The following WDR48 variants were observed in gnomAD, a reference collection of about 807,000 sequenced individuals.
WDR48 encodes the protein WD repeat-containing protein 48.
A neutral mutation model predicts 94.0 loss-of-function variants in WDR48; 22 were observed. The ratio of observed to expected loss-of-function variants is 0.23; its 90% CI spans 0.17 to 0.33. WDR48 has a LOEUF of 0.33. WDR48 is among the 10% of genes least tolerant of loss of function. WDR48 has a pLI of 1.00. For synonymous variants in WDR48, 278 were observed against 280.5 expected, an observed-to-expected ratio of 0.99 and a Z score of 0.09; for missense variants, 541 against 813.8, an observed-to-expected ratio of 0.66 and a Z score of 4.08.
intron 2 of WDR48, among the ~76,000 whole-genome samples, chr3:39,063,515 A>G (rs1199264790): frequency 1.3e-5 from 2 of 152,220 alleles, no homozygotes; most frequent in African/African-American, 4.8e-5. Flanking sequence ...ATGTTCCCCA[A>G]CAACCTCTTG....
At chr3:39,088,618 TC>T (rs2034933450) in intron 15 of WDR48, among the ~76,000 whole-genome samples, 1 of 152,146 alleles carries the variant, frequency 6.6e-6, no homozygotes, top group Non-Finnish European at 1.5e-5. Context: ...CTTAGGCTGA[TC>T]CAGCCAAGAT....
rs950351559 is a variant in WDR48, at chr3:39,085,696, T to C, written c.1474+86T>C. 2.7e-6 allele frequency: 3 copies of C among 1,114,136 alleles called. No homozygotes were observed. In the African/African-American group the frequency reaches 4.7e-5, roughly 18 times the overall value. The allele number at this position is 1,114,136 out of a possible 1,614,324, so 69.0% of individuals were successfully genotyped here. ...TACTAAAAGGTACTTACTTAAACCG[T>C]TAGCTAAAATATTTGTGGTGTACTC... On this transcript the variant is annotated intron_variant, in intron 14 of 18. Coordinates refer to ENST00000302313, the MANE Select transcript of WDR48 (RefSeq NM_020839.4).
chr3:39,054,606 T>C (rs2032730551), intron 1 of WDR48, among the ~76,000 whole-genome samples: 2 of 152,220 alleles, frequency 1.3e-5, no homozygotes, highest in African/African-American at 2.4e-5. Context: ...AGCCCAGAAT[T>C]CCTTATCTAA....
chr3:39,082,783 C>G (rs916778112), intron 11 of WDR48, among the ~76,000 whole-genome samples: 1 of 152,108 alleles, frequency 6.6e-6, no homozygotes, highest in East Asian at 1.9e-4. Context: ...GTTTGGTGGG[C>G]AGACAGCTGT....
At chr3:39,052,223 G>T in intron 1 of WDR48, 150 bp downstream of exon 1, 2 of 889,588 alleles carry the variant, frequency 2.2e-6, no homozygotes, top group Non-Finnish European at 3.3e-6. Context: ...TGGGGCCGCG[G>T]CGCTAACGGC....
At chr3:39,064,698 A>G (rs768405973) in intron 2 of WDR48, among the ~76,000 whole-genome samples, 1 of 152,166 alleles carries the variant, frequency 6.6e-6, no homozygotes, top group Non-Finnish European at 1.5e-5. Context: ...GTATTTTTAA[A>G]AGTTTGTGTC....
intron 1 of WDR48, among the ~76,000 whole-genome samples, chr3:39,053,355 C>T (rs2125627006): frequency 6.6e-6 from 1 of 152,296 alleles, no homozygotes; most frequent in South Asian, 2.1e-4. Flanking sequence ...ATAAAGTCTT[C>T]TGATTAGTTC....
At chr3:39,093,763 T>C (rs2035206619) in intron 17 of WDR48, 111 bp from the exon 18 acceptor site, 2 of 1,225,980 alleles carry the variant, frequency 1.6e-6, no homozygotes, top group Non-Finnish European at 2.2e-6. Flanking sequence ...CTAAAAACAT[T>C]TATTGGTTTA....
At chr3:39,088,076 CTG>C (rs1246270617) in intron 14 of WDR48, 50 bp from the exon 15 acceptor site, 2 of 1,548,726 alleles carry the variant, frequency 1.3e-6, no homozygotes, top group East Asian at 2.2e-5. Context: ...TGTTTAGAAT[CTG>C]TATTTTTAGC....
In WDR48 at chr3:39,063,655, A is replaced by G. The variant is rs894658459; in HGVS notation, c.189+465A>G. Among the ~76,000 whole-genome samples the G allele has an allele frequency of 3.3e-5, 5 of 152,294 alleles. No homozygotes were observed. In the East Asian group the frequency reaches 9.6e-4, roughly 29 times the overall value. On this transcript the variant is annotated intron_variant, in intron 2 of 18. Coordinates refer to ENST00000302313, the MANE Select transcript of WDR48 (RefSeq NM_020839.4). The stretch of plus-strand genomic sequence containing the variant: ...CCACACGGCCTAACTAGGTAATACA[A>G]GGTTAGGCTGAGCATGGTGGCCCAC...
chr3:39,091,718 T>G lies in WDR48; in HGVS notation c.1745+17T>G. The G allele has an allele frequency of 6.3e-7, 1 of 1,575,924 alleles. No individual in the cohort carries two copies. The highest frequency in any genetic ancestry group is 8.6e-7 in the Non-Finnish European group (1 of 1,158,366). On this transcript the variant is annotated intron_variant, in intron 17 of 18. Transcript: ENST00000302313. ...CTTAAAAAAGTAAGTAAATATATGG[T>G]TTCTTGATCTAATTAACTACTAGAG...
At chr3:39,078,265 C>A in intron 10 of WDR48, 26 bp downstream of exon 10, 2 of 1,515,286 alleles carry the variant, frequency 1.3e-6, no homozygotes, top group South Asian at 2.4e-5. Flanking sequence ...GTACTGTACC[C>A]CTTATTGAAG....
intron 11 of WDR48, among the ~76,000 whole-genome samples, chr3:39,083,454 G>A (rs957819372): frequency 1.1e-4 from 17 of 152,208 alleles, no homozygotes; most frequent in African/African-American, 4.1e-4. Context: ...CAAGAGGTGA[G>A]GGGGACCGGA....
chr3:39,052,352 G>A lies in WDR48; in HGVS notation c.48+279G>A, dbSNP rs775612944. The A allele has an allele frequency of 3.2e-4, 140 of 440,308 alleles. 1 individual carries two copies. The Middle Eastern group carries it at 3.2e-3, about 10-fold the overall frequency. 27.3% of individuals were successfully genotyped at this position (440,308 alleles called of 1,614,324 possible). A position where few individuals can be genotyped will look rare whatever the true frequency, so the allele number is the denominator to read the frequency against. On this transcript the variant is annotated intron_variant, in intron 1 of 18. Coordinates refer to ENST00000302313, the MANE Select transcript of WDR48 (RefSeq NM_020839.4). ...CGCTCTTCTGTAGGAGTGGACTTGC[G>A]GGGTCGGGATAGGCTCGTTCCCCGC...
chr3:39,066,926 TAAAG>T, intron 5 of WDR48, 51 bp downstream of exon 5: 1 of 1,583,068 alleles, frequency 6.3e-7, no homozygotes, highest in South Asian at 1.1e-5. Flanking sequence ...TTAACATAAA[TAAAG>T]AATGGTTTAT....
chr3:39,081,056 G>A (rs1014229406), intron 11 of WDR48, among the ~76,000 whole-genome samples: 1 of 152,178 alleles, frequency 6.6e-6, no homozygotes, highest in Admixed American at 6.5e-5. Flanking sequence ...GAGGGCAGTA[G>A]TTGTTAGTGT....
chr3:39,095,720 T>TGTTTTTCCAA lies in WDR48; in HGVS notation c.*977_*978insGTTTTTCCAA, dbSNP rs2035303983. 1 of 152,572 alleles carries TGTTTTTCCAA rather than the reference T, an allele frequency of 6.6e-6. No individual in the cohort carries two copies. Among genetic ancestry groups the TGTTTTTCCAA allele is most frequent in the African/African-American group, 2.4e-5 (1 of 41,472 alleles). 9.5% of individuals were successfully genotyped at this position (152,572 alleles called of 1,614,324 possible). A position where few individuals can be genotyped will look rare whatever the true frequency, so the allele number is the denominator to read the frequency against. ...ATACATATTTGTTTTTCCAAAGTTT[T>TGTTTTTCCAA]ATATGCAGGTTTTTGTTGTACCTGT... is the stretch of plus-strand genomic sequence containing the variant. On this transcript the variant is annotated 3_prime_UTR_variant, in exon 19 of 19. Transcript: ENST00000302313.
At position 39,074,931 on chromosome 3, in the gene WDR48, A is replaced by G. The variant is rs766524631; in HGVS notation, c.878A>G (p.Glu293Gly). Residue 293 changes from glutamate (E) to glycine (G), a missense_variant, in exon 8 of 19, where the codon GAA (glutamate) becomes GGA (glycine). Glu to Gly is a moderately conservative substitution (Grantham distance 98, BLOSUM62 -2). Around this residue, in one of 5 missense-constraint regions of WDR48, gnomAD observed 238 missense variants for 285.3 expected, o/e 0.83. Coordinates refer to ENST00000302313, the MANE Select transcript of WDR48 (RefSeq NM_020839.4). ...NPDIRVLICEEKAPVLKMELD... is the reference protein window; with the variant it reads ...NPDIRVLICEGKAPVLKMELD... ...GACATTCGGGTGCTAATTTGTGAAG[A>G]AAAAGCACCAGTTCTCAAGGTATGT... The G allele has an allele frequency of 2.5e-6, 4 of 1,614,100 alleles. No individual in the cohort carries two copies. Among genetic ancestry groups the G allele is most frequent in the Non-Finnish European group, 3.4e-6 (4 of 1,180,038 alleles).
chr3:39,090,331 G>A (rs1430773131), intron 16 of WDR48: 1 of 152,048 alleles, frequency 6.6e-6, no homozygotes, highest in African/African-American at 2.4e-5. Context: ...ACTGATTTGT[G>A]GGGTGGTGGT....
Sources: allele counts gnomAD v4.1 joint callset (sites outside exome capture counted in the v4.1 genomes callset), GRCh38; gene constraint gnomAD v4.1.1; regional missense constraint gnomAD v4.1.1; transcripts MANE v1.5; gene names NCBI Gene and HGNC (gene_info 2026-07-23, HGNC 2026-07-21).